TMEM232: variants seen among roughly 807,000 people sequenced by gnomAD.
TMEM232 encodes transmembrane protein 232.
In TMEM232, 80 loss-of-function variants were observed where a neutral mutation model predicts 78.8. The ratio of observed to expected loss-of-function variants is 1.01; its 90% confidence interval spans 0.85 to 1.22. The LOEUF (loss-of-function observed/expected upper bound fraction) is 1.22, where lower values mean the gene tolerates loss of function less well. Ranked by LOEUF, TMEM232 falls within the 50% of genes most tolerant of loss-of-function variation. The probability of loss-of-function intolerance (pLI) is 0.00; values close to 1 mark genes in which losing one functional copy is unlikely to be tolerated. For synonymous variants in TMEM232, 297 were observed against 254.3 expected (o/e 1.17, Z -1.60); for missense variants, 881 against 742.2 (o/e 1.19, Z -2.17).
intron 7 of TMEM232, among the ~76,000 whole-genome samples, chr5:110,618,811 C>G (rs945304060): frequency 6.6e-6 from 1 of 152,104 alleles, no homozygotes; most frequent in African/African-American, 2.4e-5. Flanking sequence ...CTCTACAATA[C>G]AGCAAAAATT....
chr5:110,610,849 G>GA (rs1782183811), intron 8 of TMEM232, among the ~76,000 whole-genome samples: 1 of 151,950 alleles, frequency 6.6e-6, no homozygotes, highest in Non-Finnish European at 1.5e-5. Context: ...ACTTTTTAGA[G>GA]AAAAAAGAAA....
chr5:110,567,942 C>A (rs1776527815), intron 11 of TMEM232, among the ~76,000 whole-genome samples: 1 of 151,998 alleles, frequency 6.6e-6, no homozygotes, highest in South Asian at 2.1e-4. Context: ...CCTCTTTTGG[C>A]AGCCCTTGCT....
Position 110,486,163 on chromosome 5 carries a change from G to A in TMEM232, c.1703+42425C>T, listed in dbSNP as rs540022925. ...TCATGTCCTTAGCCCACTTTTTAACGGGAGGTTTTTTTTTTTCCATACTGA... is the reference window on the plus strand; with the variant it reads ...TCATGTCCTTAGCCCACTTTTTAACAGGAGGTTTTTTTTTTTCCATACTGA... On this transcript the variant is annotated intron_variant, in intron 12 of 13. Transcript: ENST00000455884. Among the ~76,000 whole-genome samples, 8 of 151,482 alleles carry A rather than the reference G, an allele frequency of 5.3e-5. No individual in the cohort carries two copies. In the South Asian group the frequency reaches 1.7e-3, roughly 32 times the overall value.
chr5:110,675,699 G>A (rs1791943572), intron 1 of TMEM232, among the ~76,000 whole-genome samples: 1 of 152,116 alleles, frequency 6.6e-6, no homozygotes, highest in Non-Finnish European at 1.5e-5. Context: ...ATAATGTGAT[G>A]TTTTCATATA....
intron 10 of TMEM232, among the ~76,000 whole-genome samples, chr5:110,580,503 A>T (rs1778075490): frequency 6.6e-6 from 1 of 151,740 alleles, no homozygotes; most frequent in Admixed American, 6.6e-5. Flanking sequence ...AAATTGCCTA[A>T]TGATGCATTT....
intron 12 of TMEM232, among the ~76,000 whole-genome samples, chr5:110,482,104 A>T (rs917088488): frequency 1.4e-4 from 22 of 152,126 alleles, no homozygotes; most frequent in Admixed American, 2.0e-4. Context: ...AATCTAACAC[A>T]CTAGAAGTAA....
chr5:110,462,539 C>G (rs1761647319), intron 12 of TMEM232, among the ~76,000 whole-genome samples: 1 of 152,142 alleles, frequency 6.6e-6, no homozygotes, highest in South Asian at 2.1e-4. Flanking sequence ...GCTTCCTGCC[C>G]TCGAACATCA....
At chr5:110,695,062 C>T (rs1794608434) in intron 1 of TMEM232, among the ~76,000 whole-genome samples, 1 of 152,192 alleles carries the variant, frequency 6.6e-6, no homozygotes, top group South Asian at 2.1e-4. Flanking sequence ...GTAAAGCACT[C>T]CTCAGCAAAT....
chr5:110,539,777 G>C (rs1027185898), intron 11 of TMEM232, among the ~76,000 whole-genome samples: 6 of 152,098 alleles, frequency 3.9e-5, no homozygotes, highest in African/African-American at 1.4e-4. Flanking sequence ...TAATTTCCTG[G>C]CAGACAGGGG....
intron 1 of TMEM232, among the ~76,000 whole-genome samples, chr5:110,688,843 C>G (rs1016943087): frequency 5.3e-5 from 8 of 152,126 alleles, no homozygotes; most frequent in Non-Finnish European, 1.0e-4. Context: ...CCATGTTTTG[C>G]CCACAGGGAA....
At chr5:110,596,590 A>G (rs1780196691) in intron 10 of TMEM232, among the ~76,000 whole-genome samples, 1 of 152,216 alleles carries the variant, frequency 6.6e-6, no homozygotes, top group Non-Finnish European at 1.5e-5. Flanking sequence ...AATATCCTTG[A>G]TGAACATTCA....
intron 12 of TMEM232, among the ~76,000 whole-genome samples, chr5:110,487,868 A>G (rs1354407476): frequency 2.6e-5 from 4 of 152,008 alleles, no homozygotes; most frequent in Admixed American, 6.6e-5. Context: ...AATAGCGTCA[A>G]AAGGATTGGT....
intron 2 of TMEM232, among the ~76,000 whole-genome samples, chr5:110,408,658 A>G (rs1005561998): frequency 2.6e-5 from 4 of 152,166 alleles, no homozygotes; most frequent in South Asian, 2.1e-4. Flanking sequence ...TATTAAAAAT[A>G]TAAACAAAAT....
chr5:110,686,752 A>C (rs1168387883), intron 1 of TMEM232, among the ~76,000 whole-genome samples: 6 of 152,196 alleles, frequency 3.9e-5, no homozygotes, highest in Non-Finnish European at 7.3e-5. Flanking sequence ...GGGCTCAAAC[A>C]GTATAGAAGC....
rs1345228939 is a variant in TMEM232, at chr5:110,449,025, T to A, written c.1704-24109A>T. 2.0e-5 allele frequency among the ~76,000 whole-genome samples: 3 copies of A among 151,952 alleles called. No homozygotes were observed. The East Asian group carries it at 5.8e-4, about 29-fold the overall frequency. ...AAATTAAAGCAAATCAAAGTAATAT[T>A]ATGTAGCTTACATGAGACTGTTGAA... On this transcript the variant is annotated intron_variant, in intron 12 of 13. Transcript: ENST00000455884.
intron 10 of TMEM232, among the ~76,000 whole-genome samples, chr5:110,588,913 T>C (rs1326569626): frequency 1.3e-5 from 2 of 152,154 alleles, no homozygotes; most frequent in South Asian, 4.1e-4. Flanking sequence ...CACCCTCTTA[T>C]ACAAGACACA....
rs948433816 is a variant in TMEM232 at position 110,474,813 on chromosome 5, CAAAT to C, written c.1704-49901_1704-49898del. The stretch of plus-strand genomic sequence containing the variant: ...TCATTTGAAAAACATCAAGAAAAAA[CAAAT>C]AATGCTAATGAAAAATTATTACAAT... On this transcript the variant is annotated intron_variant, in intron 12 of 13. Transcript: ENST00000455884. 7.9e-5 allele frequency among the ~76,000 whole-genome samples: 12 copies of C among 151,736 alleles called. No homozygotes were observed. In the East Asian group the frequency reaches 9.7e-4, roughly 12 times the overall value.
At position 110,642,463 on chromosome 5, in the gene TMEM232, T is replaced by C. The variant is rs142531955; in HGVS notation, c.126-92A>G. On this transcript the variant is annotated intron_variant, in intron 2 of 13. Coordinates refer to ENST00000455884, the MANE Select transcript of TMEM232 (RefSeq NM_001039763.4). ...AACTTCCAGTGGCTATGTATAACTA[T>C]ATTCTAGCAAAAATACTTTCTTAAT... 6.8e-3 allele frequency: 5,658 copies of C among 836,012 alleles called. 25 individuals are homozygous for C. Among genetic ancestry groups the C allele is most frequent in the Middle Eastern group, 0.016 (43 of 2,636 alleles). The allele number at this position is 836,012 out of a possible 1,614,324, so 51.8% of individuals were successfully genotyped here.
chr5:110,612,633 A>T (rs1470740334), intron 8 of TMEM232, among the ~76,000 whole-genome samples: 6 of 152,164 alleles, frequency 3.9e-5, no homozygotes, highest in Admixed American at 3.9e-4. Flanking sequence ...ATGCAAACAC[A>T]AACAGTATGT....
Sources: allele counts gnomAD v4.1 joint callset (sites outside exome capture counted in the v4.1 genomes callset), GRCh38; gene constraint gnomAD v4.1.1; transcripts MANE v1.5; gene names NCBI Gene and HGNC (gene_info 2026-07-23, HGNC 2026-07-21).